The following GRID1 variants were observed in gnomAD, a reference collection of about 807,000 sequenced individuals.
GRID1 encodes glutamate receptor ionotropic, delta-1.
GRID1 carries 28 observed loss-of-function variants against 98.0 expected under a neutral mutation model. That is an observed-to-expected ratio of 0.29 (90% CI 0.21 to 0.39). GRID1 has a LOEUF of 0.39. Ranked by LOEUF, GRID1 falls within the 10% of genes least tolerant of loss-of-function variation. GRID1 has a pLI of 1.00. For synonymous variants in GRID1, 553 were observed against 538.5 expected (o/e 1.03, Z -0.37); for missense variants, 1,111 against 1,340.5 (o/e 0.83, Z 2.67).
At chr10:85,962,444 T>A (rs1891386) in intron 4 of GRID1, among the ~76,000 whole-genome samples, 20,217 of 152,126 alleles carry the variant, frequency 0.13, 1,458 homozygotes, top group Admixed American at 0.22. Context: ...CTGACAAACG[T>A]TAGAACTGTC....
In GRID1 at chr10:85,650,452, T is replaced by C. The variant is rs114081793; in HGVS notation, c.1998-3055A>G. The stretch of plus-strand genomic sequence containing the variant: ...ATTAACCTCACATGCACGATGCAAC[T>C]TGCTGATGTCATTCAACCAGTTATT... On this transcript the variant is annotated intron_variant, in intron 12 of 15. Coordinates refer to ENST00000327946, the MANE Select transcript of GRID1 (RefSeq NM_017551.3). Among the ~76,000 whole-genome samples, 136 of 152,292 alleles carry C rather than the reference T, an allele frequency of 8.9e-4. 1 individual carries two copies. The highest frequency in any genetic ancestry group is 3.2e-3 in the African/African-American group (133 of 41,558).
chr10:86,286,859 G>A (rs1362592338), intron 2 of GRID1, among the ~76,000 whole-genome samples: 1 of 152,210 alleles, frequency 6.6e-6, no homozygotes, highest in Non-Finnish European at 1.5e-5. Context: ...GAAAACCAGA[G>A]GAGCAGAAAT....
intron 2 of GRID1, among the ~76,000 whole-genome samples, chr10:86,245,437 C>A (rs1413074046): frequency 2.0e-5 from 3 of 151,598 alleles, no homozygotes; most frequent in Admixed American, 6.6e-5. Context: ...TTCTACCATT[C>A]GCTTTACTCC....
chr10:86,221,594 C>G (rs2132029637), intron 2 of GRID1, among the ~76,000 whole-genome samples: 1 of 152,282 alleles, frequency 6.6e-6, no homozygotes, highest in African/African-American at 2.4e-5. Flanking sequence ...AGGACAGCAG[C>G]TGATGCTGGG....
intron 2 of GRID1, among the ~76,000 whole-genome samples, chr10:86,338,129 G>T (rs142619551): frequency 6.6e-6 from 1 of 152,218 alleles, no homozygotes; most frequent in African/African-American, 2.4e-5. Flanking sequence ...CATGACCCAG[G>T]CTGTGCCCGT....
chr10:86,223,931 A>G (rs1400750426), intron 2 of GRID1, among the ~76,000 whole-genome samples: 1 of 152,176 alleles, frequency 6.6e-6, no homozygotes, highest in Non-Finnish European at 1.5e-5. Context: ...TAGACCAAGG[A>G]CCAGCAGATG....
chr10:85,645,870 G>C (rs1290063322), intron 13 of GRID1: 1 of 152,332 alleles, frequency 6.6e-6, no homozygotes, highest in Non-Finnish European at 1.5e-5. Context: ...CCTGTCATGG[G>C]ATAGAGGCTG....
chr10:85,743,160 G>A (rs941975803), intron 8 of GRID1, among the ~76,000 whole-genome samples: 10 of 122,460 alleles, frequency 8.2e-5, no homozygotes, highest in South Asian at 2.7e-4. Context: ...CCAGCTGCCC[G>A]CAAAAAGTAC....
chr10:86,325,288 A>T (rs1848032918), intron 2 of GRID1, among the ~76,000 whole-genome samples: 1 of 152,254 alleles, frequency 6.6e-6, no homozygotes, highest in Admixed American at 6.5e-5. Context: ...CACTACCATG[A>T]AGTAGGCACT....
At chr10:85,866,602 C>T (rs1260789742) in intron 6 of GRID1, among the ~76,000 whole-genome samples, 4 of 152,010 alleles carry the variant, frequency 2.6e-5, no homozygotes, top group African/African-American at 7.3e-5. Context: ...CTTCAGATTT[C>T]GGATTTTCAT....
intron 4 of GRID1, among the ~76,000 whole-genome samples, chr10:86,058,793 T>C (rs930019418): frequency 2.6e-5 from 4 of 152,232 alleles, no homozygotes; most frequent in Non-Finnish European, 5.9e-5. Flanking sequence ...TCTGGCACCA[T>C]GCTCAGCATG....
intron 3 of GRID1, among the ~76,000 whole-genome samples, chr10:86,142,478 C>G (rs1273643905): frequency 5.2e-5 from 8 of 152,396 alleles, no homozygotes. Flanking sequence ...GTGGCTTCTG[C>G]AGCCCTGCCT....
intron 2 of GRID1, among the ~76,000 whole-genome samples, chr10:86,283,580 C>G (rs1360774048): frequency 1.3e-5 from 2 of 151,832 alleles, no homozygotes; most frequent in African/African-American, 4.8e-5. Flanking sequence ...CACACCTACC[C>G]TTACACATGC....
Position 86,256,407 on chromosome 10 carries a change from G to A in GRID1, c.236-49759C>T, listed in dbSNP as rs146386390. 3.8e-3 allele frequency among the ~76,000 whole-genome samples: 577 copies of A among 152,306 alleles called. 3 individuals carry two copies. The highest frequency in any genetic ancestry group is 0.013 in the African/African-American group (557 of 41,556). On this transcript the variant is annotated intron_variant, in intron 2 of 15. Transcript: ENST00000327946. ...TTGAGCCCAGGAGTCTGAGGCTACA[G>A]TGAACCATGATGGCACCACTGCACT...
intron 2 of GRID1, among the ~76,000 whole-genome samples, chr10:86,335,139 C>A (rs1848205320): frequency 1.3e-5 from 2 of 152,202 alleles, no homozygotes; most frequent in African/African-American, 4.8e-5. Flanking sequence ...CCATTAAAAC[C>A]AGAGTGTTAG....
chr10:86,072,916 G>A (rs537456102), intron 4 of GRID1, among the ~76,000 whole-genome samples: 1 of 152,334 alleles, frequency 6.6e-6, no homozygotes, highest in South Asian at 2.1e-4. Context: ...TTTTAATTCT[G>A]TTATGTCATC....
In GRID1 at chr10:86,138,998, C is replaced by T. The variant is rs1844972946; in HGVS notation, c.547G>A (p.Asp183Asn). The part of the protein sequence containing the change: ...YDIRGLQSFL[D>N]QASRLGLDVS... ...TCAAGGCCCAGCCGCGAGGCCTGGT[C>T]CAGAAAGCTTTGAAGCCCACGGATA... is the stretch of plus-strand genomic sequence containing the variant. The change falls in exon 4 of 16, where the codon GAC becomes AAC. Residue 183 changes from aspartate to asparagine, a missense_variant. By Grantham distance (23) the Asp-to-Asn change is conservative. Around this residue, in one of 3 missense-constraint regions of GRID1, gnomAD observed 346 missense variants for 452.3 expected, o/e 0.76. Transcript: ENST00000327946. 2.5e-6 allele frequency: 4 copies of T among 1,613,830 alleles called. No homozygotes were observed. Among genetic ancestry groups the T allele is most frequent in the Middle Eastern group, 1.6e-4 (1 of 6,062 alleles).
intron 12 of GRID1, among the ~76,000 whole-genome samples, chr10:85,685,513 ACTAT>A (rs1841258821): frequency 6.6e-6 from 1 of 152,200 alleles, no homozygotes; most frequent in Admixed American, 6.5e-5. Context: ...ATATAATGAA[ACTAT>A]CTATGGTAAT....
At chr10:86,084,897 G>A (rs1414700184) in intron 4 of GRID1, among the ~76,000 whole-genome samples, 1 of 152,124 alleles carries the variant, frequency 6.6e-6, no homozygotes, top group African/African-American at 2.4e-5. Flanking sequence ...GGGAGTTATT[G>A]TTTCATGGGT....
Sources: allele counts gnomAD v4.1 joint callset (sites outside exome capture counted in the v4.1 genomes callset), GRCh38; gene constraint gnomAD v4.1.1; regional missense constraint gnomAD v4.1.1; transcripts MANE v1.5; gene names NCBI Gene and HGNC (gene_info 2026-07-23, HGNC 2026-07-21).